The following KIF24 variants were observed in gnomAD, a reference collection of about 807,000 sequenced individuals.
KIF24 encodes the protein kinesin family member 24, also known as kinesin-like protein KIF24.
Under a neutral mutation model 118.9 loss-of-function variants are expected in KIF24, and 81 were observed. The observed-to-expected ratio is 0.68, with a 90% confidence interval of 0.57 to 0.82. The LOEUF is 0.82. KIF24 is among the 40% of genes least tolerant of loss of function. The pLI is 0.00. For missense variants in KIF24, 1,560 were observed against 1,661.6 expected (o/e 0.94, Z 1.06); for synonymous variants, 599 against 610.0 (o/e 0.98, Z 0.27).
intron 11 of KIF24, among the ~76,000 whole-genome samples, chr9:34,255,520 G>A (rs955195981): frequency 3.3e-5 from 5 of 152,286 alleles, no homozygotes; most frequent in South Asian, 2.1e-4. Flanking sequence ...ACTGCAACTG[G>A]CATACTTGGC....
At chr9:34,262,994 A>C in intron 9 of KIF24, 107 bp downstream of exon 9, 1 of 803,662 alleles carries the variant, frequency 1.2e-6, no homozygotes, top group Admixed American at 2.0e-5. Context: ...CACTGTGCCC[A>C]GCATCATGTC....
intron 1 of KIF24, among the ~76,000 whole-genome samples, chr9:34,327,449 T>C (rs1034322049): frequency 6.6e-6 from 1 of 152,106 alleles, no homozygotes; most frequent in African/African-American, 2.4e-5. Context: ...AACTAAAGAT[T>C]TTCATTAACA....
rs772027955 is a variant in KIF24, at chr9:34,256,322, T to G, written c.3285A>C (p.Pro1095=). 1 of 1,613,296 alleles carries G rather than the reference T, an allele frequency of 6.2e-7. No individual in the cohort carries two copies. Among genetic ancestry groups the G allele is most frequent in the Non-Finnish European group, 8.5e-7 (1 of 1,179,716 alleles). The part of the protein sequence containing the change: ...TGGPVVSHTV[P]SGDQEAALPV... Reference sequence around the variant, plus strand: ...GCAAGGCTGCCTCTTGATCACCAGATGGCACTGTGTGGCTCACAACTGGGC... The same window carrying G: ...GCAAGGCTGCCTCTTGATCACCAGAGGGCACTGTGTGGCTCACAACTGGGC... Residue 1095 remains proline (P), a synonymous_variant, in exon 11 of 13, where the codon CCA becomes CCC. Transcript: ENST00000402558.
At chr9:34,328,894 A>G (rs896959841) in intron 1 of KIF24, among the ~76,000 whole-genome samples, 4 of 152,214 alleles carry the variant, frequency 2.6e-5, no homozygotes, top group Admixed American at 1.3e-4. Flanking sequence ...GGCGTTCAAG[A>G]TAATTGCTGA....
intron 6 of KIF24, among the ~76,000 whole-genome samples, chr9:34,272,639 T>C (rs1587926937): frequency 6.6e-6 from 1 of 152,132 alleles, no homozygotes; most frequent in Non-Finnish European, 1.5e-5. Context: ...CAAAATTTTT[T>C]TGAAATAGGG....
intron 4 of KIF24, 148 bp from the exon 5 acceptor site, chr9:34,290,537 TTTACA>T: frequency 1.9e-6 from 1 of 512,874 alleles, no homozygotes; most frequent in East Asian, 2.9e-5. Context: ...AGAAGAGGAC[TTTACA>T]TTATAAGAAC....
At position 34,257,488 on chromosome 9, in the gene KIF24, G is replaced by C. The variant is rs1488559300; in HGVS notation, c.2119C>G (p.Gln707Glu). Residue 707 changes from glutamine to glutamate, a missense_variant, in exon 11 of 13, where the codon CAG becomes GAG. Coordinates refer to ENST00000402558, the MANE Select transcript of KIF24 (RefSeq NM_194313.4). ...GKLSTKCKKVQTVQPVQKQLV... is the reference protein window; with the variant it reads ...GKLSTKCKKVETVQPVQKQLV... ...TGCTTCTGTACTGGCTGCACTGTCTGCACTTTCTTGCACTTGGTGGACAGC... is the reference window on the plus strand; with the variant it reads ...TGCTTCTGTACTGGCTGCACTGTCTCCACTTTCTTGCACTTGGTGGACAGC... 1.2e-6 allele frequency: 2 copies of C among 1,614,076 alleles called. No homozygotes were observed. The highest frequency in any genetic ancestry group is 2.2e-5 in the South Asian group (2 of 91,088).
rs575389553 is a variant in KIF24 at position 34,256,517 on chromosome 9, T to G, written c.3090A>C (p.Pro1030=). 6.2e-7 allele frequency: 1 copy of G among 1,613,976 alleles called. No individual in the cohort carries two copies. The highest frequency in any genetic ancestry group is 2.2e-5 in the East Asian group (1 of 44,876). The change falls in exon 11 of 13, where the codon CCA becomes CCC. Residue 1030 remains proline, a synonymous_variant. Coordinates refer to ENST00000402558, the MANE Select transcript of KIF24 (RefSeq NM_194313.4). ...CTAACTGCCCCCTAGGATCCTCTCC[T>G]GGGACAGCATGACCGTTTTTCACAG... is the stretch of plus-strand genomic sequence containing the variant. The part of the protein sequence containing the change: ...TSTVKNGHAV[P]GEDPRGQLGT...
chr9:34,275,694 G>T (rs1341824347), intron 6 of KIF24, among the ~76,000 whole-genome samples: 4 of 151,992 alleles, frequency 2.6e-5, no homozygotes, highest in Non-Finnish European at 4.4e-5. Flanking sequence ...CAAAAAACTA[G>T]CTGGGCATGG....
intron 1 of KIF24, among the ~76,000 whole-genome samples, chr9:34,328,862 A>C (rs1420727069): frequency 1.3e-5 from 2 of 152,238 alleles, no homozygotes; most frequent in Non-Finnish European, 2.9e-5. Flanking sequence ...TCAAGAGTTT[A>C]GTCTCCCAAA....
chr9:34,307,874 A>G (rs941348103), intron 2 of KIF24, among the ~76,000 whole-genome samples: 2 of 151,858 alleles, frequency 1.3e-5, no homozygotes, highest in African/African-American at 4.8e-5. Flanking sequence ...AAAAAAAAAA[A>G]AAAAAGAAAA....
intron 6 of KIF24, among the ~76,000 whole-genome samples, chr9:34,277,507 G>A (rs536600705): frequency 4.3e-4 from 65 of 152,228 alleles, no homozygotes; most frequent in South Asian, 2.9e-3. Context: ...TGCAAAGGGC[G>A]GCCCTGTGGT....
intron 7 of KIF24, among the ~76,000 whole-genome samples, chr9:34,270,133 A>C (rs1417874921): frequency 6.6e-6 from 1 of 151,800 alleles, no homozygotes; most frequent in Non-Finnish European, 1.5e-5. Context: ...AGGCAGGAGA[A>C]TCACTTGAAC....
chr9:34,288,161 T>C (rs1368794958), intron 5 of KIF24, among the ~76,000 whole-genome samples: 1 of 151,866 alleles, frequency 6.6e-6, no homozygotes, highest in Non-Finnish European at 1.5e-5. Context: ...TCTACCCTTG[T>C]CAAAGCCCCA....
chr9:34,265,073 A>C (rs1202896222), intron 8 of KIF24, among the ~76,000 whole-genome samples: 1 of 152,212 alleles, frequency 6.6e-6, no homozygotes, highest in Non-Finnish European at 1.5e-5. Context: ...AAGGGGAGGA[A>C]GGTAACAAGG....
rs773064163 is a variant in KIF24 at position 34,257,205 on chromosome 9, G to A, written c.2402C>T (p.Thr801Met). Residue 801 changes from threonine (T) to methionine (M), a missense_variant, in exon 11 of 13, where the codon ACG becomes ATG. Around this residue, in one of 3 missense-constraint regions of KIF24, gnomAD observed 964 missense variants for 988.0 expected, o/e 0.98. Transcript: ENST00000402558. ...RQYRPPEGQL[T>M]NETPPLFHSY... Reference sequence around the variant, plus strand: ...GTGGAACAGAGGCGGAGTCTCATTCGTGAGCTGACCCTCTGGGGGCCTGTA... The same window carrying A: ...GTGGAACAGAGGCGGAGTCTCATTCATGAGCTGACCCTCTGGGGGCCTGTA... 9.7e-5 allele frequency: 156 copies of A among 1,614,022 alleles called. 4 individuals are homozygous for A. The South Asian group carries it at 1.4e-3, about 15-fold the overall frequency.
At chr9:34,262,838 G>T (rs1238890178) in intron 9 of KIF24, among the ~76,000 whole-genome samples, 2 of 150,654 alleles carry the variant, frequency 1.3e-5, no homozygotes, top group East Asian at 3.9e-4. Flanking sequence ...TCTAGCCTGG[G>T]TGACAGAGTA....
Position 34,259,780 on chromosome 9 carries a change from G to A in KIF24, c.1516-75C>T, listed in dbSNP as rs143729284. The A allele has an allele frequency of 3.5e-4, 321 of 912,698 alleles. No individual in the cohort carries two copies. The African/African-American group carries it at 4.6e-3, about 13-fold the overall frequency. 56.5% of individuals were successfully genotyped at this position (912,698 alleles called of 1,614,324 possible). On this transcript the variant is annotated intron_variant, in intron 9 of 12. Coordinates refer to ENST00000402558, the MANE Select transcript of KIF24 (RefSeq NM_194313.4). ...CATACTGACTACTTACTAGGTGCAG[G>A]ATGCTGGGCCATAGTTCCCTTCTGT...
rs1243075568 is a variant in KIF24, at chr9:34,311,222, T to C, written c.125A>G (p.Lys42Arg). ...LAKITMKDYS[K>R]LGVHDMNDRK... ...GTCGTTCATGTCATGGACTCCTAAT[T>C]TGGAGTAGTCCTTCATTGTAATCTT... The change falls in exon 2 of 13, where the codon AAA (lysine) becomes AGA (arginine). Residue 42 changes from lysine to arginine, a missense_variant. By Grantham distance (26) the Lys-to-Arg change is conservative. Around this residue, in one of 3 missense-constraint regions of KIF24, gnomAD observed 964 missense variants for 988.0 expected, o/e 0.98. Coordinates refer to ENST00000402558, the MANE Select transcript of KIF24 (RefSeq NM_194313.4). The C allele has an allele frequency of 1.2e-6, 2 of 1,613,154 alleles. No homozygotes were observed. Among genetic ancestry groups the C allele is most frequent in the Non-Finnish European group, 1.7e-6 (2 of 1,179,382 alleles).
Sources: allele counts gnomAD v4.1 joint callset (sites outside exome capture counted in the v4.1 genomes callset), GRCh38; gene constraint gnomAD v4.1.1; regional missense constraint gnomAD v4.1.1; transcripts MANE v1.5; gene names NCBI Gene and HGNC (gene_info 2026-07-23, HGNC 2026-07-21).